ADAMTS6: variants seen among roughly 807,000 people sequenced by gnomAD.
ADAMTS6 encodes ADAM metallopeptidase with thrombospondin type 1 motif 6.
A neutral mutation model predicts 144.3 loss-of-function variants in ADAMTS6; 23 were observed. The observed-to-expected ratio is 0.16, with a 90% confidence interval of 0.11 to 0.23. The LOEUF (loss-of-function observed/expected upper bound fraction) is 0.23. Among genes scored for constraint, ADAMTS6 ranks in the 10% least tolerant of loss-of-function variants. The pLI is 1.00. For synonymous variants in ADAMTS6, 444 were observed against 457.5 expected (o/e 0.97, Z 0.38); for missense variants, 999 against 1,379.6 (o/e 0.72, Z 4.37).
chr5:65,339,334 C>T (rs1184189957), intron 7 of ADAMTS6, among the ~76,000 whole-genome samples: 1 of 151,934 alleles, frequency 6.6e-6, no homozygotes, highest in Non-Finnish European at 1.5e-5. Context: ...AACTGACACC[C>T]CAAGACCTAT....
Position 65,273,414 on chromosome 5 carries a change from T to C in ADAMTS6, c.1546A>G (p.Ser516Gly), listed in dbSNP as rs763849142. The change falls in exon 12 of 25, where the codon AGC becomes GGC. Residue 516 changes from serine to glycine, a missense_variant. Physicochemically the swap from Ser to Gly is moderately conservative, Grantham distance 56. Transcript: ENST00000381055. ...ATACTGTTGGTGACACAGCGGTTGC[T>C]TTTGCTGAGACACCAGAGCTCTCTA... ...VCRELWCLSK[S>G]NRCVTNSIPA... 91 of 1,613,750 alleles carry C rather than the reference T, an allele frequency of 5.6e-5. No homozygotes were observed. Among genetic ancestry groups the C allele is most frequent in the Non-Finnish European group, 7.5e-5 (89 of 1,179,842 alleles).
intron 20 of ADAMTS6, among the ~76,000 whole-genome samples, chr5:65,202,040 C>T (rs996948056): frequency 6.6e-6 from 1 of 152,216 alleles, no homozygotes; most frequent in African/African-American, 2.4e-5. Context: ...TGGCCAGACA[C>T]AAGCATTTGC....
chr5:65,283,875 T>C (rs1387612837), intron 11 of ADAMTS6, among the ~76,000 whole-genome samples: 1 of 152,098 alleles, frequency 6.6e-6, no homozygotes, highest in African/African-American at 2.4e-5. Context: ...GCAGAACAAT[T>C]TGTTACCAGC....
In ADAMTS6 at chr5:65,320,367, C is replaced by T. The variant is rs140073213; in HGVS notation, c.1223+9011G>A. 4.6e-3 allele frequency among the ~76,000 whole-genome samples: 693 copies of T among 152,050 alleles called. 4 individuals carry two copies. Among genetic ancestry groups the T allele is most frequent in the African/African-American group, 0.016 (645 of 41,460 alleles). On this transcript the variant is annotated intron_variant, in intron 9 of 24. Transcript: ENST00000381055. Reference sequence around the variant, plus strand: ...GAAAGACATAATTACAAAACAAGGACTCAGAAGATTTAGAAAATGTTATCC... The same window carrying T: ...GAAAGACATAATTACAAAACAAGGATTCAGAAGATTTAGAAAATGTTATCC...
intron 1 of ADAMTS6, among the ~76,000 whole-genome samples, chr5:65,479,200 T>A (rs1490248932): frequency 6.6e-6 from 1 of 152,188 alleles, no homozygotes; most frequent in Admixed American, 6.5e-5. Context: ...CATATGAAAA[T>A]TAACTTCTTT....
intron 7 of ADAMTS6, among the ~76,000 whole-genome samples, chr5:65,434,408 T>G (rs932783062): frequency 1.3e-5 from 2 of 152,206 alleles, no homozygotes; most frequent in African/African-American, 4.8e-5. Context: ...AACTGTGAAT[T>G]ATACAATTCA....
At chr5:65,414,386 A>G (rs1755321308) in intron 7 of ADAMTS6, among the ~76,000 whole-genome samples, 1 of 152,082 alleles carries the variant, frequency 6.6e-6, no homozygotes, top group African/African-American at 2.4e-5. Context: ...ACTTGTTAAC[A>G]TGTCTTATTC....
intron 7 of ADAMTS6, among the ~76,000 whole-genome samples, chr5:65,435,160 A>T (rs1757294620): frequency 6.6e-6 from 1 of 152,210 alleles, no homozygotes; most frequent in Non-Finnish European, 1.5e-5. Flanking sequence ...ACACAAAGTT[A>T]ATTTTAAAAA....
intron 11 of ADAMTS6, among the ~76,000 whole-genome samples, chr5:65,282,226 C>T (rs553122560): frequency 1.3e-5 from 2 of 152,166 alleles, no homozygotes; most frequent in African/African-American, 4.8e-5. Flanking sequence ...GGTCAGGCTA[C>T]AGCTTGGTTT....
intron 11 of ADAMTS6, among the ~76,000 whole-genome samples, chr5:65,282,824 A>G (rs2112712817): frequency 6.6e-6 from 1 of 152,166 alleles, no homozygotes; most frequent in South Asian, 2.1e-4. Flanking sequence ...GGCCTCAACT[A>G]GATTTTCAGG....
rs1392351579 is a variant in ADAMTS6, at chr5:65,470,854, T to C, written c.386A>G (p.Asp129Gly). 1 of 1,610,144 alleles carries C rather than the reference T, an allele frequency of 6.2e-7. No individual in the cohort carries two copies. The highest frequency in any genetic ancestry group is 1.1e-5 in the South Asian group (1 of 90,200). Residue 129 changes from aspartate to glycine, a missense_variant, in exon 3 of 25, where the codon GAC becomes GGC. Transcript: ENST00000381055. ...DGPQWKHDFL[D>G]NCHYTGYLQD... is the part of the protein sequence containing the mutation. ...CAAATATCCTGTGTAATGACAGTTG[T>C]CTAAAAAATCATGTTTCCACTGGGG...
At chr5:65,176,377 T>C (rs890168754) in intron 22 of ADAMTS6, among the ~76,000 whole-genome samples, 1 of 152,198 alleles carries the variant, frequency 6.6e-6, no homozygotes, top group Non-Finnish European at 1.5e-5. Context: ...GCAAGTTGTA[T>C]AAGGAAAGTA....
At chr5:65,226,257 T>C (rs780667277) in intron 15 of ADAMTS6, 38 bp from the exon 16 acceptor site, 3 of 1,602,956 alleles carry the variant, frequency 1.9e-6, no homozygotes, top group Non-Finnish European at 2.6e-6. Flanking sequence ...AGTGGAGTGG[T>C]TGTCCTAATG....
chr5:65,200,090 T>C (rs537468254), intron 20 of ADAMTS6, among the ~76,000 whole-genome samples: 13 of 152,214 alleles, frequency 8.5e-5, no homozygotes, highest in Admixed American at 1.3e-4. Context: ...CACTCAAGAA[T>C]TGACTATATC....
chr5:65,473,393 G>A (rs577626314), intron 2 of ADAMTS6, among the ~76,000 whole-genome samples, 184 bp downstream of exon 2: 1 of 151,990 alleles, frequency 6.6e-6, no homozygotes. Context: ...AATACTAGTA[G>A]GACAAGTTAA....
chr5:65,296,172 A>G (rs1474771050), intron 10 of ADAMTS6, among the ~76,000 whole-genome samples: 1 of 152,166 alleles, frequency 6.6e-6, no homozygotes. Flanking sequence ...AACAACAACA[A>G]AAAGTTAACA....
intron 9 of ADAMTS6, among the ~76,000 whole-genome samples, chr5:65,318,603 T>C (rs1478581481): frequency 6.6e-6 from 1 of 152,178 alleles, no homozygotes; most frequent in Non-Finnish European, 1.5e-5. Context: ...TCGAGATCAT[T>C]ATGCTAAGCG....
rs149843490 is a variant in ADAMTS6 at position 65,309,591 on chromosome 5, T to TACACACACAC, written c.1224-9470_1224-9461dup. Among the ~76,000 whole-genome samples, 1,403 of 147,286 alleles carry TACACACACAC rather than the reference T, an allele frequency of 9.5e-3. 18 individuals carry two copies. Among genetic ancestry groups the TACACACACAC allele is most frequent in the African/African-American group, 0.033 (1,330 of 40,432 alleles). On this transcript the variant is annotated intron_variant, in intron 9 of 24. Transcript: ENST00000381055. The stretch of plus-strand genomic sequence containing the variant: ...CCATGGTTGGGGACCCCTGTTATAA[T>TACACACACAC]ACACACACACACACACACACACACA...
intron 9 of ADAMTS6, among the ~76,000 whole-genome samples, chr5:65,321,231 C>T (rs879498019): frequency 1.6e-4 from 25 of 152,214 alleles, no homozygotes; most frequent in Admixed American, 1.6e-3. Flanking sequence ...GACTTTTTAA[C>T]AATAGCCATT....
Sources: gnomAD v4.1 joint callset for allele counts (sites outside exome capture counted in the v4.1 genomes callset) on GRCh38, gnomAD v4.1.1 for gene constraint, MANE v1.5 for transcripts, NCBI Gene and HGNC (gene_info 2026-07-23, HGNC 2026-07-21) for gene names.